The following FXYD3 variants were observed in gnomAD, a reference collection of about 807,000 sequenced individuals.
FXYD3 encodes the protein FXYD domain containing ion transport regulator 3.
FXYD3 carries 13 observed loss-of-function variants against 19.2 expected under a neutral mutation model. That is an observed-to-expected ratio of 0.68 (90% CI 0.44 to 1.08). FXYD3 has a LOEUF of 1.08. FXYD3 is among the 50% of genes least tolerant of loss of function. The probability of loss-of-function intolerance (pLI) is 0.00; values close to 1 mark genes in which losing one functional copy is unlikely to be tolerated. For synonymous variants in FXYD3, 48 were observed against 38.9 expected, an observed-to-expected ratio of 1.23 and a Z score of -0.87; for missense variants, 101 against 109.4, an observed-to-expected ratio of 0.92 and a Z score of 0.34.
chr19:35,121,460 C>T (rs572709112), intron 5 of FXYD3: 79 of 1,470,994 alleles, frequency 5.4e-5, no homozygotes, highest in Middle Eastern at 2.2e-4. Flanking sequence ...GATAGACACA[C>T]GCAGGAGGTG....
chr19:35,120,766 T>G (rs138266955), intron 3 of FXYD3, among the ~76,000 whole-genome samples: 20 of 152,080 alleles, frequency 1.3e-4, no homozygotes, highest in African/African-American at 4.8e-4. Flanking sequence ...ACCAGAAAAG[T>G]CCCCCGCTGC....
chr19:35,116,546 A>G, intron 2 of FXYD3, 187 bp downstream of exon 2: 2 of 985,334 alleles, frequency 2.0e-6, no homozygotes, highest in Non-Finnish European at 2.4e-6. Flanking sequence ...TTTCCCCACC[A>G]TTCTCCTCTC....
At chr19:35,122,581 G>C in intron 5 of FXYD3, 184 bp from the exon 6 acceptor site, 2 of 608,156 alleles carry the variant, frequency 3.3e-6, no homozygotes, top group Non-Finnish European at 5.9e-6. Context: ...GACCCTGCAC[G>C]ACAGATCGTG....
intron 5 of FXYD3, among the ~76,000 whole-genome samples, chr19:35,122,147 G>A (rs1473393895): frequency 7.0e-6 from 1 of 142,596 alleles, no homozygotes; most frequent in African/African-American, 2.5e-5. Flanking sequence ...TGGCAAAAAT[G>A]CAATTTTTTT....
chr19:35,122,623 C>G (rs1389747053), intron 5 of FXYD3, 142 bp from the exon 6 acceptor site: 3 of 678,532 alleles, frequency 4.4e-6, no homozygotes, highest in East Asian at 2.6e-5. Context: ...ATGTGAGCAC[C>G]TGGGATTTTG....
chr19:35,122,605 G>A (rs1308582305), intron 5 of FXYD3, 160 bp from the exon 6 acceptor site: 1 of 637,344 alleles, frequency 1.6e-6, no homozygotes, highest in Non-Finnish European at 2.8e-6. Context: ...GCTGGTGTGT[G>A]AACCAGAATG....
intron 3 of FXYD3, chr19:35,119,635 G>T: frequency 1.9e-6 from 1 of 517,680 alleles, no homozygotes; most frequent in South Asian, 2.7e-5. Flanking sequence ...CCATTCTCTC[G>T]ATCTCTTCTT....
At chr19:35,121,271 T>A (rs1409391225) in intron 5 of FXYD3, 26 bp downstream of exon 5, 1 of 1,613,856 alleles carries the variant, frequency 6.2e-7, no homozygotes, top group South Asian at 1.1e-5. Context: ...CCCTTTCCCC[T>A]CCCCACAACC....
At chr19:35,116,966 ACATGAGACCATTCTCC>A (rs1311921034) in intron 2 of FXYD3, 9 of 985,188 alleles carry the variant, frequency 9.1e-6, no homozygotes, top group Non-Finnish European at 1.1e-5. Context: ...CCACCCCTGA[ACATGAGACCATTCTCC>A]CATGGTATGG....
At chr19:35,118,595 C>A in intron 2 of FXYD3, 1 of 995,866 alleles carries the variant, frequency 1.0e-6, no homozygotes, top group Non-Finnish European at 1.2e-6. Context: ...TCTGCTGGGC[C>A]TAGGGTAGGG....
chr19:35,117,168 A>G (rs1364939069), intron 2 of FXYD3: 2 of 1,375,820 alleles, frequency 1.5e-6, no homozygotes, highest in Non-Finnish European at 1.9e-6. Context: ...GCCTCTTCAG[A>G]CAACAGCCTG....
intron 2 of FXYD3, chr19:35,117,210 G>A (rs926316848): frequency 9.2e-5 from 131 of 1,428,810 alleles, no homozygotes; most frequent in Middle Eastern, 4.6e-4. Context: ...CCCAGCTCCC[G>A]GCTCCCTGCA....
At chr19:35,123,059 AG>A (rs2145347107) in intron 7 of FXYD3, 105 bp downstream of exon 7, 1 of 1,466,356 alleles carries the variant, frequency 6.8e-7, no homozygotes, top group East Asian at 2.4e-5. Flanking sequence ...TGCCCTTTAG[AG>A]TTCCTGCCGC....
Position 35,121,040 on chromosome 19 carries a change from C to G in FXYD3, c.41-38C>G, listed in dbSNP as rs762389291. The G allele has an allele frequency of 3.1e-6, 5 of 1,611,214 alleles. No individual in the cohort carries two copies. The South Asian group carries it at 5.5e-5, about 18-fold the overall frequency. ...TGCCCAAAGGCTTGGCTGAGGCCGG[C>G]ATCACCATCTCCCCTCCTTCCCCTC... On this transcript the variant is annotated intron_variant, in intron 3 of 8. Coordinates refer to ENST00000604404, the MANE Select transcript of FXYD3 (RefSeq NM_005971.4).
At chr19:35,120,055 C>T (rs2065005181) in intron 3 of FXYD3, among the ~76,000 whole-genome samples, 2 of 152,094 alleles carry the variant, frequency 1.3e-5, no homozygotes, top group Admixed American at 6.5e-5. Flanking sequence ...GATAACTGCC[C>T]TGCCAGTTCT....
chr19:35,116,420 A>G, intron 2 of FXYD3, 61 bp downstream of exon 2: 1 of 948,370 alleles, frequency 1.1e-6, no homozygotes, highest in Non-Finnish European at 1.2e-6. Context: ...ATTAGGAAGT[A>G]TCTACCTGCC....
chr19:35,121,031 T>A, intron 3 of FXYD3, 47 bp from the exon 4 acceptor site: 1 of 1,610,334 alleles, frequency 6.2e-7, no homozygotes, highest in South Asian at 1.1e-5. Flanking sequence ...AAGGCTTGGC[T>A]GAGGCCGGCA....
intron 3 of FXYD3, among the ~76,000 whole-genome samples, chr19:35,120,242 C>G (rs1403321390): frequency 6.6e-6 from 1 of 151,704 alleles, no homozygotes; most frequent in Non-Finnish European, 1.5e-5. Context: ...CAGGTTCAAG[C>G]GACTCTCCTG....
intron 3 of FXYD3, chr19:35,119,650 T>TTG (rs781275531): frequency 0.47 from 251,187 of 536,518 alleles, 59,692 homozygotes; most frequent in South Asian, 0.56. Flanking sequence ...CTTCTTTTTT[T>TTG]TTGGCTTTTT....
Sources: gnomAD v4.1 joint callset for allele counts (sites outside exome capture counted in the v4.1 genomes callset) on GRCh38, gnomAD v4.1.1 for gene constraint, MANE v1.5 for transcripts, NCBI Gene and HGNC (gene_info 2026-07-23, HGNC 2026-07-21) for gene names.